The following PEMT variants were observed in gnomAD, a reference collection of about 807,000 sequenced individuals.
PEMT encodes phosphatidylethanolamine N-methyltransferase, also known as phospholipid methyltransferase.
A neutral mutation model predicts 27.4 loss-of-function variants in PEMT; 23 were observed. The ratio of observed to expected loss-of-function variants is 0.84; its 90% CI spans 0.60 to 1.19. The LOEUF is 1.19. Ranked by LOEUF, PEMT falls within the 50% of genes most tolerant of loss-of-function variation. The pLI is 0.00. For synonymous variants in PEMT, 137 were observed against 139.1 expected, an observed-to-expected ratio of 0.98 and a Z score of 0.11; for missense variants, 307 against 310.1, an observed-to-expected ratio of 0.99 and a Z score of 0.07.
chr17:17,513,579 T>C lies in PEMT; in HGVS notation c.321-925A>G, dbSNP rs1906576691. 6.6e-6 allele frequency among the ~76,000 whole-genome samples: 1 copy of C among 151,916 alleles called. No homozygotes were observed. Among genetic ancestry groups the C allele is most frequent in the African/African-American group, 2.4e-5 (1 of 41,344 alleles). On this transcript the variant is annotated intron_variant, in intron 3 of 6. Transcript: ENST00000255389. The surrounding 1 kb of genome is among the most constrained non-coding windows in gnomAD (Gnocchi z 4.1). ...GCCTGGGCAATAGAGCGAGACTTAG[T>C]ATCAAAAGAAAAAAGAAAAAAAGAA...
At chr17:17,538,295 C>T (rs1186373952) in intron 2 of PEMT, among the ~76,000 whole-genome samples, 1 of 152,230 alleles carries the variant, frequency 6.6e-6, no homozygotes, top group Non-Finnish European at 1.5e-5. Context: ...AGGACAGAGG[C>T]AGTATTGTGC....
intron 1 of PEMT, 131 bp from the exon 2 acceptor site, chr17:17,577,158 A>T: frequency 1.5e-6 from 1 of 688,374 alleles, no homozygotes; most frequent in Non-Finnish European, 2.6e-6. Context: ...GGCAAAGGTT[A>T]CTACAGTGTA....
At chr17:17,570,829 C>T (rs4646351) in intron 2 of PEMT, 587,383 of 985,034 alleles carry the variant, frequency 0.6, 177,225 homozygotes, top group African/African-American at 0.8. Flanking sequence ...GGTGATGGCA[C>T]GAAGCCAGGT....
At chr17:17,572,254 C>G (rs1911259866) in intron 2 of PEMT, among the ~76,000 whole-genome samples, 1 of 152,230 alleles carries the variant, frequency 6.6e-6, no homozygotes, top group South Asian at 2.1e-4. Context: ...CCACCTTTGT[C>G]TCTTCTCCTC....
At chr17:17,506,373 CTGGCCCTTCCTGCCG>C in intron 5 of PEMT, 72 bp from the exon 6 acceptor site, 2 of 1,191,216 alleles carry the variant, frequency 1.7e-6, no homozygotes, top group Non-Finnish European at 2.4e-6. Flanking sequence ...CCTGCCCAGG[CTGGCCCTTCCTGCCG>C]TGACCCTGGC....
intron 3 of PEMT, among the ~76,000 whole-genome samples, chr17:17,516,844 A>C (rs1906873354): frequency 2.0e-5 from 3 of 151,034 alleles, no homozygotes; most frequent in Non-Finnish European, 3.0e-5. Context: ...GTGTCCCCCC[A>C]CCCCTTACTC....
Position 17,582,471 on chromosome 17 carries a change from C to T in PEMT, c.97-5444G>A. On this transcript the variant is annotated intron_variant, in intron 1 of 6. Coordinates refer to ENST00000255389, the MANE Select transcript of PEMT (RefSeq NM_148172.3). The surrounding 1 kb of genome is among the most constrained non-coding windows in gnomAD (Gnocchi z 4.9). Reference sequence around the variant, plus strand: ...TGGGTCAACATGTCACATTGTGACACATGGACAAACAGCAGGCCTGGACAG... The same window carrying T: ...TGGGTCAACATGTCACATTGTGACATATGGACAAACAGCAGGCCTGGACAG... The T allele has an allele frequency of 1.0e-6, 1 of 972,124 alleles. No individual in the cohort carries two copies. Among genetic ancestry groups the T allele is most frequent in the Non-Finnish European group, 1.2e-6 (1 of 817,712 alleles). 60.2% of individuals were successfully genotyped at this position (972,124 alleles called of 1,614,324 possible). A position where few individuals can be genotyped will look rare whatever the true frequency, so the allele number is the denominator to read the frequency against.
At chr17:17,532,475 C>T (rs966428851) in intron 2 of PEMT, among the ~76,000 whole-genome samples, 1 of 152,070 alleles carries the variant, frequency 6.6e-6, no homozygotes, top group African/African-American at 2.4e-5. Context: ...AACAAAAGTA[C>T]AAAACTTACT....
At chr17:17,558,332 C>T (rs1344432860) in intron 2 of PEMT, among the ~76,000 whole-genome samples, 1 of 151,882 alleles carries the variant, frequency 6.6e-6, no homozygotes, top group Non-Finnish European at 1.5e-5. Context: ...CATGGTGAAA[C>T]ACTGTCTCTA....
chr17:17,534,742 G>A (rs1278238641), intron 2 of PEMT, among the ~76,000 whole-genome samples: 4 of 152,112 alleles, frequency 2.6e-5, no homozygotes, highest in Admixed American at 1.3e-4. Context: ...AAGCTGAGGT[G>A]GGAGGATCAC....
intron 2 of PEMT, among the ~76,000 whole-genome samples, chr17:17,526,682 C>T (rs191222514): frequency 1.1e-3 from 163 of 152,362 alleles, no homozygotes; most frequent in African/African-American, 3.8e-3. Context: ...TCTGTCTCCA[C>T]GCCAGGACCC....
chr17:17,505,967 C>T (rs1027693181), intron 6 of PEMT, 119 bp from the exon 7 acceptor site: 5 of 1,402,862 alleles, frequency 3.6e-6, no homozygotes, highest in Admixed American at 2.8e-5. Flanking sequence ...TCCCCTTCAT[C>T]CCCCAGAGCC....
At chr17:17,571,523 AG>A (rs1911191621) in intron 2 of PEMT, among the ~76,000 whole-genome samples, 4 of 152,030 alleles carry the variant, frequency 2.6e-5, no homozygotes, top group African/African-American at 9.7e-5. Context: ...GAAGCCTGGG[AG>A]GGAAGAGGGA....
intron 2 of PEMT, among the ~76,000 whole-genome samples, chr17:17,568,456 G>A (rs532741001): frequency 1.3e-5 from 2 of 152,346 alleles, no homozygotes; most frequent in Admixed American, 6.5e-5. Context: ...GCAGGGTCCC[G>A]TCCCGGCACA....
intron 2 of PEMT, among the ~76,000 whole-genome samples, chr17:17,529,191 C>T (rs1028827378): frequency 5.9e-5 from 9 of 152,222 alleles, no homozygotes; most frequent in Admixed American, 1.3e-4. Flanking sequence ...GCTCTGCACA[C>T]GCTAGGCCCA....
chr17:17,505,744 C>T lies in PEMT; in HGVS notation c.*47G>A, dbSNP rs539041693. ...CCTGCGCAGGGCCTGCCACTTGGGG[C>T]AGGCCAGGAGGCTGGCCAGGCCTTC... On this transcript the variant is annotated 3_prime_UTR_variant, in exon 7 of 7. Coordinates refer to ENST00000255389, the MANE Select transcript of PEMT (RefSeq NM_148172.3). The T allele has an allele frequency of 8.5e-5, 133 of 1,557,244 alleles. No homozygotes were observed. The highest frequency in any genetic ancestry group is 2.0e-4 in the Admixed American group (10 of 49,964).
rs372480687 is a variant in PEMT, at chr17:17,577,003, G to T, written c.121C>A (p.Leu41Met). Residue 41 changes from leucine to methionine, a missense_variant, in exon 2 of 7, where the codon CTG becomes ATG. By Grantham distance (15) the Leu-to-Met change is conservative (BLOSUM62 2). Transcript: ENST00000255389. ...TCCAGGGGGTCCACGTAGCCCAGCA[G>T]CCGGGTCATAACGCAGAAGTCTGCC... ...RQADFCVMTR[L>M]LGYVDPLDPS... is the part of the protein sequence containing the mutation. The T allele has an allele frequency of 6.2e-7, 1 of 1,613,974 alleles. No individual in the cohort carries two copies. Among genetic ancestry groups the T allele is most frequent in the Non-Finnish European group, 8.5e-7 (1 of 1,179,936 alleles).
At chr17:17,588,680 AG>A (rs1402191981) in intron 1 of PEMT, among the ~76,000 whole-genome samples, 6 of 152,166 alleles carry the variant, frequency 3.9e-5, no homozygotes, top group African/African-American at 1.4e-4. Flanking sequence ...CCTTGCTCTG[AG>A]GACCTCAGTG....
At position 17,513,828 on chromosome 17, in the gene PEMT, A is replaced by G. The variant is rs1185038681; in HGVS notation, c.321-1174T>C. Among the ~76,000 whole-genome samples the G allele has an allele frequency of 6.6e-6, 1 of 152,128 alleles. No individual in the cohort carries two copies. Among genetic ancestry groups the G allele is most frequent in the Non-Finnish European group, 1.5e-5 (1 of 68,018 alleles). ...ACTCACAGGAAAGGCTGTGTGTGGG[A>G]GCACGGACATGTGTGACCAAATGTG... On this transcript the variant is annotated intron_variant, in intron 3 of 6. Transcript: ENST00000255389. This position sits in a 1 kb window ranked among gnomAD's most constrained non-coding sequence, Gnocchi z 4.1.
Sources: allele counts gnomAD v4.1 joint callset (sites outside exome capture counted in the v4.1 genomes callset), GRCh38; gene constraint gnomAD v4.1.1; non-coding constraint Gnocchi (gnomAD v3.1); transcripts MANE v1.5; gene names NCBI Gene and HGNC (gene_info 2026-07-23, HGNC 2026-07-21).